The following CAPS2 variants were observed in gnomAD, a reference collection of about 807,000 sequenced individuals.
CAPS2 encodes calcyphosine 2.
A neutral mutation model predicts 86.5 loss-of-function variants in CAPS2; 98 were observed. That is an observed-to-expected ratio of 1.13 (90% CI 0.96 to 1.34). The LOEUF is 1.34. Among genes scored for constraint, CAPS2 ranks in the 40% most tolerant of loss-of-function variants. The pLI, the probability that CAPS2 is intolerant of heterozygous loss-of-function variation, is 0.00. For missense variants in CAPS2, 729 were observed against 686.8 expected (o/e 1.06, Z -0.69); for synonymous variants, 210 against 225.1 (o/e 0.93, Z 0.60).
intron 9 of CAPS2, 37 bp downstream of exon 9, chr12:75,299,800 A>C: frequency 1.0e-6 from 1 of 1,003,952 alleles, no homozygotes; most frequent in South Asian, 1.5e-5. Flanking sequence ...CGTTTTTATA[A>C]TCATAGGATT....
intron 1 of CAPS2, among the ~76,000 whole-genome samples, chr12:75,379,613 A>G (rs899463378): frequency 6.6e-6 from 1 of 152,180 alleles, no homozygotes; most frequent in Admixed American, 6.5e-5. Context: ...TAGTTAACTC[A>G]AGATTTAAGT....
At chr12:75,354,174 G>A (rs367811603) in intron 1 of CAPS2, among the ~76,000 whole-genome samples, 5 of 142,864 alleles carry the variant, frequency 3.5e-5, no homozygotes, top group South Asian at 4.8e-4. Flanking sequence ...AAAGGGGGGG[G>A]GGTATTCAAA....
chr12:75,316,344 C>A (rs990856276), exon 6 of CAPS2: 2 of 1,550,818 alleles, frequency 1.3e-6, no homozygotes, highest in African/African-American at 1.4e-5. Context: ...TGTTGTTTAT[C>A]GCAAGAGTTG....
chr12:75,363,491 C>T (rs187088195), intron 1 of CAPS2, among the ~76,000 whole-genome samples: 1 of 152,212 alleles, frequency 6.6e-6, no homozygotes. Flanking sequence ...TACTCGCTTT[C>T]ATTGACCTCT....
chr12:75,372,342 AC>A (rs1207475923), intron 1 of CAPS2, among the ~76,000 whole-genome samples: 4 of 152,088 alleles, frequency 2.6e-5, no homozygotes, highest in African/African-American at 7.2e-5. Context: ...TAAGTCAATC[AC>A]CCCAGCCAAC....
At chr12:75,380,073 C>T (rs1390214382) in intron 1 of CAPS2, among the ~76,000 whole-genome samples, 1 of 151,688 alleles carries the variant, frequency 6.6e-6, no homozygotes, top group Non-Finnish European at 1.5e-5. Flanking sequence ...TTACAAAATA[C>T]ATAACAATTG....
At chr12:75,379,927 A>C (rs2044868037) in intron 1 of CAPS2, among the ~76,000 whole-genome samples, 1 of 151,860 alleles carries the variant, frequency 6.6e-6, no homozygotes, top group Admixed American at 6.6e-5. Context: ...GAGGTTTCCT[A>C]GAACATAAGA....
Position 75,390,837 on chromosome 12 carries a change from C to T in CAPS2, c.-395+1G>A. The T allele has an allele frequency of 1.6e-6, 1 of 634,690 alleles. No individual in the cohort carries two copies. The allele number at this position is 634,690 out of a possible 1,614,324, so 39.3% of individuals were successfully genotyped here. Reference sequence around the variant, plus strand: ...TAGTTTAGTGAAAAGGGCTTACTCACGTAACACAAGTCTTTCTTTAGTTTG... The same window carrying T: ...TAGTTTAGTGAAAAGGGCTTACTCATGTAACACAAGTCTTTCTTTAGTTTG... On this transcript the variant is annotated splice_donor_variant, in intron 1 of 5. Transcript: ENST00000551829. LOFTEE classifies it low-confidence loss of function (5UTR_SPLICE).
Position 75,278,963 on chromosome 12 carries a change from T to C in CAPS2, c.1715A>G (p.Tyr572Cys), listed in dbSNP as rs770051769. The change falls in exon 17 of 17, where the codon TAT (tyrosine) becomes TGT (cysteine). Residue 572 changes from tyrosine to cysteine, a missense_variant. Tyr to Cys is a radical substitution (Grantham distance 194). Transcript: ENST00000393284. ...TACTATTCCTATACTTAAACCTTCA[T>C]AGTAATCTTCAAATTCACCATATGA... 21 of 1,611,262 alleles carry C rather than the reference T, an allele frequency of 1.3e-5. No individual in the cohort carries two copies. The Admixed American group carries it at 1.3e-4, about 10-fold the overall frequency.
At chr12:75,375,086 G>A (rs1206435592) in intron 1 of CAPS2, among the ~76,000 whole-genome samples, 1 of 152,126 alleles carries the variant, frequency 6.6e-6, no homozygotes, top group Non-Finnish European at 1.5e-5. Context: ...TTTCTAGGTA[G>A]AGGCATCTCT....
intron 1 of CAPS2, 92 bp from the exon 3 acceptor site, chr12:75,325,380 C>T (rs1430324636): frequency 1.0e-6 from 1 of 958,528 alleles, no homozygotes; most frequent in African/African-American, 1.7e-5. Flanking sequence ...TGCAATAAAG[C>T]TAATTATAAT....
At chr12:75,332,860 A>C (rs2041429036), upstream of CAPS2, among the ~76,000 whole-genome samples, 1 of 152,218 alleles carries the variant, frequency 6.6e-6, no homozygotes, top group Admixed American at 6.5e-5. Flanking sequence ...GAAGAAAAAT[A>C]AAACAGGTTA....
At chr12:75,300,130 A>T (rs989475852) in intron 8 of CAPS2, among the ~76,000 whole-genome samples, 16 of 152,232 alleles carry the variant, frequency 1.1e-4, no homozygotes, top group Admixed American at 2.6e-4. Flanking sequence ...CTTTTATATT[A>T]GAATCTATAG....
chr12:75,362,899 G>C (rs1427321980), intron 1 of CAPS2, among the ~76,000 whole-genome samples: 3 of 152,042 alleles, frequency 2.0e-5, no homozygotes, highest in Non-Finnish European at 4.4e-5. Flanking sequence ...TTCAAGAATA[G>C]AACTTCCACG....
intron 1 of CAPS2, chr12:75,390,390 A>G (rs910959688): frequency 6.6e-6 from 3 of 456,076 alleles, no homozygotes; most frequent in Non-Finnish European, 1.3e-5. Flanking sequence ...TGCTGATGAG[A>G]GAAGAAGTAG....
At chr12:75,352,829 C>T (rs755732987) in intron 1 of CAPS2, among the ~76,000 whole-genome samples, 2 of 152,152 alleles carry the variant, frequency 1.3e-5, no homozygotes, top group Non-Finnish European at 2.9e-5. Flanking sequence ...AATTAGAACT[C>T]AATATTAAGA....
chr12:75,367,782 A>T (rs1190162200), intron 1 of CAPS2, among the ~76,000 whole-genome samples: 1 of 152,106 alleles, frequency 6.6e-6, no homozygotes, highest in African/African-American at 2.4e-5. Context: ...TAATCTTTAT[A>T]TTATTTATTT....
chr12:75,314,326 C>T (rs2039533970), intron 6 of CAPS2, among the ~76,000 whole-genome samples: 1 of 152,092 alleles, frequency 6.6e-6, no homozygotes, highest in South Asian at 2.1e-4. Flanking sequence ...TTATAGGCTA[C>T]ATAATGTAGG....
At chr12:75,296,696 T>C (rs561498746) in intron 11 of CAPS2, among the ~76,000 whole-genome samples, 2 of 152,180 alleles carry the variant, frequency 1.3e-5, no homozygotes, top group East Asian at 3.9e-4. Flanking sequence ...TAGAAAGACT[T>C]AATGGGGCAT....
Sources: gnomAD v4.1 joint callset for allele counts (sites outside exome capture counted in the v4.1 genomes callset) on GRCh38, gnomAD v4.1.1 for gene constraint, MANE v1.5 for transcripts, NCBI Gene and HGNC (gene_info 2026-07-23, HGNC 2026-07-21) for gene names.